Variants in CHMP2B observed in about 807,000 individuals in gnomAD.
CHMP2B encodes the protein charged multivesicular body protein 2B.
In CHMP2B, 22 loss-of-function variants were observed where a neutral mutation model predicts 29.8. The ratio of observed to expected loss-of-function variants is 0.74; its 90% confidence interval spans 0.53 to 1.05. The LOEUF is 1.05. Among genes scored for constraint, CHMP2B ranks in the 50% least tolerant of loss-of-function variants. CHMP2B has a pLI of 0.00. For missense variants in CHMP2B, 261 were observed against 252.2 expected (o/e 1.03, Z -0.24); for synonymous variants, 78 against 75.8 (o/e 1.03, Z -0.15).
intron 1 of CHMP2B, among the ~76,000 whole-genome samples, chr3:87,236,537 G>C (rs1051316657): frequency 1.3e-5 from 2 of 152,026 alleles, no homozygotes; most frequent in African/African-American, 4.8e-5. Flanking sequence ...TTTCTGAGCA[G>C]TATTGTTGTA....
intron 2 of CHMP2B, among the ~76,000 whole-genome samples, chr3:87,242,961 T>G (rs1050714037): frequency 6.6e-6 from 1 of 152,196 alleles, no homozygotes; most frequent in Non-Finnish European, 1.5e-5. Context: ...CAAATCAATT[T>G]CTACAAAAAA....
intron 1 of CHMP2B, 102 bp from the exon 2 acceptor site, chr3:87,240,597 A>G: frequency 1.2e-6 from 1 of 853,774 alleles, no homozygotes; most frequent in Non-Finnish European, 2.0e-6. Context: ...GCGCCCAGCC[A>G]ATATAAGATT....
Position 87,239,023 on chromosome 3 carries a change from G to A in CHMP2B, c.35-1676G>A, listed in dbSNP as rs564191786. Among the ~76,000 whole-genome samples the A allele has an allele frequency of 6.6e-5, 10 of 152,182 alleles. No homozygotes were observed. In the South Asian group the frequency reaches 1.2e-3, roughly 19 times the overall value. On this transcript the variant is annotated intron_variant, in intron 1 of 5. Coordinates refer to ENST00000263780, the MANE Select transcript of CHMP2B (RefSeq NM_014043.4). ...TAGTAGTATTTTCTTTAGGACTAAT[G>A]TTGTGGAGCACACTTTTTATGTGTT...
chr3:87,233,522 C>G lies in CHMP2B; in HGVS notation c.34+5966C>G, dbSNP rs1479595748. On this transcript the variant is annotated intron_variant, in intron 1 of 5. Transcript: ENST00000263780. ...CAGGACTTCTTTTCACTTTACTGTTCATTGGCAAGCTCCATCATGCCTAGT... is the reference window on the plus strand; with the variant it reads ...CAGGACTTCTTTTCACTTTACTGTTGATTGGCAAGCTCCATCATGCCTAGT... Among the ~76,000 whole-genome samples, 4 of 151,994 alleles carry G rather than the reference C, an allele frequency of 2.6e-5. No homozygotes were observed. The South Asian group carries it at 6.2e-4, about 24-fold the overall frequency.
At chr3:87,249,555 G>C (rs1041894216) in intron 3 of CHMP2B, among the ~76,000 whole-genome samples, 1 of 149,804 alleles carries the variant, frequency 6.7e-6, no homozygotes, top group African/African-American at 2.5e-5. Flanking sequence ...TTACCTACTT[G>C]CCACAAAAAC....
chr3:87,232,857 T>G (rs1410360114), intron 1 of CHMP2B, among the ~76,000 whole-genome samples: 1 of 152,186 alleles, frequency 6.6e-6, no homozygotes, highest in East Asian at 1.9e-4. Flanking sequence ...GACTCAAAAG[T>G]CTACTGACAT....
chr3:87,248,908 A>G (rs1706264397), intron 3 of CHMP2B, among the ~76,000 whole-genome samples: 1 of 152,214 alleles, frequency 6.6e-6, no homozygotes, highest in Non-Finnish European at 1.5e-5. Flanking sequence ...TGAATTAGCT[A>G]TATAATGCAT....
chr3:87,252,186 C>G (rs886499060), intron 4 of CHMP2B, among the ~76,000 whole-genome samples: 1 of 151,812 alleles, frequency 6.6e-6, no homozygotes. Context: ...CAGTCCTAAA[C>G]CAGGACACCC....
intron 4 of CHMP2B, among the ~76,000 whole-genome samples, chr3:87,252,746 A>AT: frequency 6.6e-6 from 1 of 152,122 alleles, no homozygotes; most frequent in Non-Finnish European, 1.5e-5. Context: ...AGATTCAAAG[A>AT]TAAAAAAGAC....
chr3:87,249,412 T>G (rs1488102142), intron 3 of CHMP2B, among the ~76,000 whole-genome samples: 2 of 152,088 alleles, frequency 1.3e-5, no homozygotes, highest in Non-Finnish European at 2.9e-5. Flanking sequence ...TTTTTATATT[T>G]TTTTAAACCA....
chr3:87,252,756 C>T (rs1430760956), intron 4 of CHMP2B, among the ~76,000 whole-genome samples: 1 of 151,808 alleles, frequency 6.6e-6, no homozygotes, highest in Non-Finnish European at 1.5e-5. Context: ...ATAAAAAAGA[C>T]ATAATCTCAA....
chr3:87,250,928 G>A (rs1706304463), intron 4 of CHMP2B, among the ~76,000 whole-genome samples: 1 of 151,756 alleles, frequency 6.6e-6, no homozygotes, highest in Non-Finnish European at 1.5e-5. Context: ...GTCAACATTA[G>A]ATTATTGCTT....
intron 1 of CHMP2B, among the ~76,000 whole-genome samples, chr3:87,234,779 C>T (rs1386606594): frequency 2.0e-5 from 3 of 152,160 alleles, no homozygotes; most frequent in Non-Finnish European, 4.4e-5. Flanking sequence ...GAGTCAAGCA[C>T]TCCATCTCTC....
intron 2 of CHMP2B, among the ~76,000 whole-genome samples, chr3:87,241,641 A>T (rs1240919086): frequency 6.6e-6 from 1 of 152,102 alleles, no homozygotes; most frequent in African/African-American, 2.4e-5. Context: ...ATTAGTGTTA[A>T]TTACTTTTTA....
At chr3:87,238,481 A>G (rs1317305780) in intron 1 of CHMP2B, among the ~76,000 whole-genome samples, 1 of 151,986 alleles carries the variant, frequency 6.6e-6, no homozygotes, top group African/African-American at 2.4e-5. Flanking sequence ...CTTCTCCCCA[A>G]CCCCTGCCAT....
At chr3:87,235,063 C>CT (rs1175665106) in intron 1 of CHMP2B, among the ~76,000 whole-genome samples, 2 of 152,116 alleles carry the variant, frequency 1.3e-5, no homozygotes, top group African/African-American at 4.8e-5. Context: ...CCATAGATCG[C>CT]TAGTAAGTAT....
chr3:87,236,233 C>T (rs1272998740), intron 1 of CHMP2B, among the ~76,000 whole-genome samples: 7 of 152,006 alleles, frequency 4.6e-5, no homozygotes, highest in Non-Finnish European at 2.9e-5. Context: ...GGTGACTAAC[C>T]TCATCCTGAG....
intron 4 of CHMP2B, among the ~76,000 whole-genome samples, chr3:87,250,708 T>C (rs1046378148): frequency 1.3e-5 from 2 of 151,962 alleles, no homozygotes; most frequent in African/African-American, 2.4e-5. Flanking sequence ...ACCATTCTTA[T>C]GTTGGTCAAT....
At chr3:87,230,540 C>T (rs1046089061) in intron 1 of CHMP2B, among the ~76,000 whole-genome samples, 1 of 152,088 alleles carries the variant, frequency 6.6e-6, no homozygotes, top group African/African-American at 2.4e-5. Flanking sequence ...TACCATGCAA[C>T]GTTTACATTC....
Sources: allele counts gnomAD v4.1 joint callset (sites outside exome capture counted in the v4.1 genomes callset), GRCh38; gene constraint gnomAD v4.1.1; transcripts MANE v1.5; gene names NCBI Gene and HGNC (gene_info 2026-07-23, HGNC 2026-07-21).